The following LRRC57 variants were observed in gnomAD, a reference collection of about 807,000 sequenced individuals.
LRRC57 encodes the protein leucine rich repeat containing 57.
In LRRC57, 14 loss-of-function variants were observed where a neutral mutation model predicts 23.1. That is an observed-to-expected ratio of 0.61 (90% CI 0.40 to 0.95). The LOEUF is 0.95. LRRC57 is among the 40% of genes least tolerant of loss of function. LRRC57 has a pLI of 0.00. For missense variants in LRRC57, 236 were observed against 284.4 expected (o/e 0.83, Z 1.22); for synonymous variants, 106 against 115.2 (o/e 0.92, Z 0.51).
chr15:42,533,164 T>C (rs1289481475), downstream of LRRC57: 1 of 152,238 alleles, frequency 6.6e-6, no homozygotes, highest in Non-Finnish European at 1.5e-5. Context: ...CAAAGATCCA[T>C]ACATCAAGAA....
downstream of LRRC57, among the ~76,000 whole-genome samples, chr15:42,533,797 A>G (rs762842462): frequency 1.3e-5 from 2 of 152,254 alleles, no homozygotes; most frequent in Non-Finnish European, 2.9e-5. Context: ...TAAAGCTAGT[A>G]TTGCAATGAA....
chr15:42,529,536 C>T, the LRRC57 span: 1 of 784,258 alleles, frequency 1.3e-6, no homozygotes, highest in South Asian at 1.8e-5. Flanking sequence ...TAGAATGTTT[C>T]CCAGGAATGG....
Position 42,542,691 on chromosome 15 carries a change from AAATCT to A in LRRC57, c.*1387_*1391del, listed in dbSNP as rs1356804013. 1 of 152,628 alleles carries A rather than the reference AAATCT, an allele frequency of 6.6e-6. No individual in the cohort carries two copies. The highest frequency in any genetic ancestry group is 1.5e-5 in the Non-Finnish European group (1 of 68,036). The allele number at this position is 152,628 out of a possible 1,614,324, so 9.5% of individuals were successfully genotyped here. A position where few individuals can be genotyped will look rare whatever the true frequency, so the allele number is the denominator to read the frequency against. Reference sequence around the variant, plus strand: ...CCAGAAATAAGACATTATTTCTAACAAATCTTCAAGAAAATCTTGATTATTAAAGT... The same window carrying A: ...CCAGAAATAAGACATTATTTCTAACATCAAGAAAATCTTGATTATTAAAGT... On this transcript the variant is annotated 3_prime_UTR_variant, in exon 6 of 6. Coordinates refer to ENST00000397130, the MANE Select transcript of LRRC57 (RefSeq NM_153260.3).
At chr15:42,533,743 A>G (rs939327354), downstream of LRRC57, among the ~76,000 whole-genome samples, 1 of 152,212 alleles carries the variant, frequency 6.6e-6, no homozygotes, top group African/African-American at 2.4e-5. Context: ...AGATTAATAC[A>G]AGCATACCTC....
rs1207678392 is a variant in LRRC57, at chr15:42,538,988, C to G, written c.*5095G>C. The G allele has an allele frequency of 6.6e-6, 1 of 151,490 alleles. No homozygotes were observed. The highest frequency in any genetic ancestry group is 2.4e-5 in the African/African-American group (1 of 41,154). 9.4% of individuals were successfully genotyped at this position (151,490 alleles called of 1,614,324 possible). A position where few individuals can be genotyped will look rare whatever the true frequency, so the allele number is the denominator to read the frequency against. Reference sequence around the variant, plus strand: ...TTGAGCCCAGGAGTTTGGGGCCAGCCTGGGGAACACAGGAAGACCCCGTCT... The same window carrying G: ...TTGAGCCCAGGAGTTTGGGGCCAGCGTGGGGAACACAGGAAGACCCCGTCT... On this transcript the variant is annotated 3_prime_UTR_variant, in exon 6 of 6. Coordinates refer to ENST00000397130, the MANE Select transcript of LRRC57 (RefSeq NM_153260.3).
chr15:42,546,056 A>G (rs2412735), intron 4 of LRRC57, among the ~76,000 whole-genome samples: 1 of 152,198 alleles, frequency 6.6e-6, no homozygotes, highest in East Asian at 1.9e-4. Flanking sequence ...TTAGGCCCTC[A>G]AGCTCAATAC....
Position 42,548,738 on chromosome 15 carries a change from G to C in LRRC57, c.-68C>G, listed in dbSNP as rs529496867. The C allele has an allele frequency of 9.0e-4, 607 of 676,670 alleles. 1 individual carries two copies. The highest frequency in any genetic ancestry group is 1.3e-3 in the Admixed American group (46 of 34,762). 41.9% of individuals were successfully genotyped at this position (676,670 alleles called of 1,614,324 possible). On this transcript the variant is annotated 5_prime_UTR_variant, in exon 1 of 6. Coordinates refer to ENST00000397130, the MANE Select transcript of LRRC57 (RefSeq NM_153260.3). ...TAAGGCTCCGCAGGTGAAGACCCAG[G>C]ACCCGCAGTAGCCGGGATGCGCTCC...
At chr15:42,529,138 G>C in the LRRC57 span, among the ~76,000 whole-genome samples, 1 of 152,130 alleles carries the variant, frequency 6.6e-6, no homozygotes, top group Non-Finnish European at 1.5e-5. Context: ...TCTGTTGTAG[G>C]GTTAAAGCAG....
intron 4 of LRRC57, 160 bp from the exon 5 acceptor site, chr15:42,545,422 CCT>C (rs2057654638): frequency 4.8e-6 from 2 of 417,716 alleles, no homozygotes; most frequent in Non-Finnish European, 4.1e-6. Context: ...ACTCCAGAAG[CCT>C]CTGTTATCTA....
At chr15:42,529,893 T>C in the LRRC57 span, 22 of 1,499,310 alleles carry the variant, frequency 1.5e-5, no homozygotes, top group East Asian at 2.3e-5. Context: ...CTGTGCTAGA[T>C]ACTGTGGGGG....
rs188302469 is a variant in LRRC57 at position 42,541,304 on chromosome 15, G to A, written c.*2779C>T. 6.6e-5 allele frequency: 10 copies of A among 152,278 alleles called. No individual in the cohort carries two copies. Among genetic ancestry groups the A allele is most frequent in the African/African-American group, 2.2e-4 (9 of 41,542 alleles). The allele number at this position is 152,278 out of a possible 1,614,324, so 9.4% of individuals were successfully genotyped here. ...GGATCACCTGAAGCCAGGAGTTCAA[G>A]ACCAGTCTGGCCAACACGGTGAAAC... On this transcript the variant is annotated 3_prime_UTR_variant, in exon 6 of 6. Transcript: ENST00000397130.
At position 42,545,242 on chromosome 15, in the gene LRRC57, C is replaced by G; in HGVS notation, c.513G>C (p.Lys171Asn). Residue 171 changes from lysine (K) to asparagine (N), a missense_variant, in exon 5 of 6, where the codon AAG becomes AAC. Transcript: ENST00000397130. ...TTTTAAGGCGTGGACAGCAAGATAT[C>G]TTCACTGAGATCTGAGATATCTATT... ...NQNQISQISV[K>N]ISCCPRLKIL... 6.3e-7 allele frequency: 1 copy of G among 1,584,022 alleles called. No individual in the cohort carries two copies. The highest frequency in any genetic ancestry group is 8.6e-7 in the Non-Finnish European group (1 of 1,168,986).
chr15:42,536,323 T>C (rs1025114607), downstream of LRRC57, among the ~76,000 whole-genome samples: 3 of 152,206 alleles, frequency 2.0e-5, no homozygotes, highest in African/African-American at 7.2e-5. Context: ...TGCAGTAAAA[T>C]GAGGTATGCC....
Position 42,548,749 on chromosome 15 carries a change from G to A in LRRC57, c.-79C>T. 1 of 714,968 alleles carries A rather than the reference G, an allele frequency of 1.4e-6. No individual in the cohort carries two copies. The highest frequency in any genetic ancestry group is 2.3e-6 in the Non-Finnish European group (1 of 435,876). 44.3% of individuals were successfully genotyped at this position (714,968 alleles called of 1,614,324 possible). A position where few individuals can be genotyped will look rare whatever the true frequency, so the allele number is the denominator to read the frequency against. On this transcript the variant is annotated 5_prime_UTR_variant, in exon 1 of 6. Transcript: ENST00000397130. ...AGGTGAAGACCCAGGACCCGCAGTA[G>A]CCGGGATGCGCTCCCCGGCTTAGTC...
chr15:42,546,096 G>T (rs2057657083), intron 4 of LRRC57, among the ~76,000 whole-genome samples: 1 of 152,010 alleles, frequency 6.6e-6, no homozygotes. Flanking sequence ...CACCCCTTTT[G>T]CCATTTAAAT....
In LRRC57 at chr15:42,544,007, G is replaced by A; in HGVS notation, c.*76C>T. ...CTGTAGATACCCCTAACAACAACAGGAGGCTTTGACTCAGCCACATTCCAA... is the reference window on the plus strand; with the variant it reads ...CTGTAGATACCCCTAACAACAACAGAAGGCTTTGACTCAGCCACATTCCAA... On this transcript the variant is annotated 3_prime_UTR_variant, in exon 6 of 6. Coordinates refer to ENST00000397130, the MANE Select transcript of LRRC57 (RefSeq NM_153260.3). 1.7e-6 allele frequency: 2 copies of A among 1,181,802 alleles called. No homozygotes were observed. The highest frequency in any genetic ancestry group is 2.5e-6 in the Non-Finnish European group (2 of 803,064). 73.2% of individuals were successfully genotyped at this position (1,181,802 alleles called of 1,614,324 possible).
At position 42,540,790 on chromosome 15, in the gene LRRC57, G is replaced by A. The variant is rs539947085; in HGVS notation, c.*3293C>T. The A allele has an allele frequency of 4.6e-5, 7 of 152,360 alleles. No homozygotes were observed. Among genetic ancestry groups the A allele is most frequent in the African/African-American group, 1.4e-4 (6 of 41,574 alleles). The allele number at this position is 152,360 out of a possible 1,614,324, so 9.4% of individuals were successfully genotyped here. ...CGCCTGTAATCCCAGCCCTTTGGGA[G>A]ACCAAGGCGGGTGGATCACCTGAGG... On this transcript the variant is annotated 3_prime_UTR_variant, in exon 6 of 6. Transcript: ENST00000397130.
intron 4 of LRRC57, among the ~76,000 whole-genome samples, chr15:42,547,027 C>A (rs1254632126): frequency 6.6e-6 from 1 of 152,158 alleles, no homozygotes; most frequent in African/African-American, 2.4e-5. Context: ...TGATCTCTCC[C>A]TGTTACCTAC....
chr15:42,532,903 C>T (rs1014740082), downstream of LRRC57: 14 of 152,602 alleles, frequency 9.2e-5, no homozygotes, highest in African/African-American at 3.4e-4. Context: ...TGTCCATAAT[C>T]AAGTTGATGT....
Sources: gnomAD v4.1 joint callset for allele counts (sites outside exome capture counted in the v4.1 genomes callset) on GRCh38, gnomAD v4.1.1 for gene constraint, MANE v1.5 for transcripts, NCBI Gene and HGNC (gene_info 2026-07-23, HGNC 2026-07-21) for gene names.